NRP1: variants seen among roughly 807,000 people sequenced by gnomAD.
NRP1 encodes the protein neuropilin-1.
A neutral mutation model predicts 106.7 loss-of-function variants in NRP1; 35 were observed. That is an observed-to-expected ratio of 0.33 (90% CI 0.25 to 0.43). The LOEUF (loss-of-function observed/expected upper bound fraction) is 0.43, where lower values mean the gene tolerates loss of function less well. Ranked by LOEUF, NRP1 falls within the 20% of genes least tolerant of loss-of-function variation. The probability of loss-of-function intolerance (pLI) is 1.00; values close to 1 mark genes in which losing one functional copy is unlikely to be tolerated. For missense variants in NRP1, 1,024 were observed against 1,170.4 expected (o/e 0.87, Z 1.83); for synonymous variants, 437 against 417.9 (o/e 1.05, Z -0.56).
intron 2 of NRP1, among the ~76,000 whole-genome samples, chr10:33,308,585 C>T (rs1846339179): frequency 6.6e-6 from 1 of 151,874 alleles, no homozygotes; most frequent in South Asian, 2.1e-4. Flanking sequence ...CTCCCGGGTT[C>T]AAGTGAGTCT....
At chr10:33,328,292 G>A (rs77914833) in intron 2 of NRP1, among the ~76,000 whole-genome samples, 4,028 of 152,210 alleles carry the variant, frequency 0.026, 99 homozygotes, top group Non-Finnish European at 0.042. Context: ...AAGGTTTACT[G>A]TGAGCTAGAC....
Position 33,330,735 on chromosome 10 carries a change from T to A in NRP1, c.221A>T (p.His74Leu), listed in dbSNP as rs750237365. The change falls in exon 2 of 17, where the codon CAC (histidine) becomes CTC (leucine). Residue 74 changes from histidine to leucine, a missense_variant. By Grantham distance (99) the His-to-Leu change is moderately conservative. Around this residue, in one of 5 missense-constraint regions of NRP1, gnomAD observed 279 missense variants for 327.4 expected, o/e 0.85. Coordinates refer to ENST00000374867, the MANE Select transcript of NRP1 (RefSeq NM_003873.7). Reference protein sequence around the residue: ...YQRIMINFNPHFDLEDRDCKY... With the variant: ...YQRIMINFNPLFDLEDRDCKY... ...GCAGTCTCTGTCCTCCAAATCGAAG[T>A]GAGGGTTGAAGTTGATCATAATTCT... 23 of 1,612,782 alleles carry A rather than the reference T, an allele frequency of 1.4e-5. 1 individual carries two copies. In the Admixed American group the frequency reaches 2.8e-4, roughly 20 times the overall value.
chr10:33,300,347 C>G (rs1230065195), intron 2 of NRP1, among the ~76,000 whole-genome samples: 2 of 152,220 alleles, frequency 1.3e-5, no homozygotes, highest in African/African-American at 4.8e-5. Context: ...CAAAGTGCAT[C>G]TGTGTCAGAA....
chr10:33,317,238 G>A (rs1031741938), intron 2 of NRP1, among the ~76,000 whole-genome samples: 1 of 152,206 alleles, frequency 6.6e-6, no homozygotes, highest in African/African-American at 2.4e-5. Context: ...CCATTCATGA[G>A]GGTGAGGTGG....
At chr10:33,213,767 C>G in intron 8 of NRP1, 50 bp from the exon 9 acceptor site, 1 of 1,355,868 alleles carries the variant, frequency 7.4e-7, no homozygotes, top group Non-Finnish European at 1.0e-6. Context: ...CTGGGCGACT[C>G]CATGCTAAGA....
intron 15 of NRP1, 80 bp downstream of exon 15, chr10:33,185,548 G>A (rs940042550): frequency 1.8e-6 from 2 of 1,092,662 alleles, no homozygotes; most frequent in South Asian, 1.4e-5. Context: ...GTAGAAATGA[G>A]CAAAACAAAG....
At chr10:33,303,783 C>T (rs991680588) in intron 2 of NRP1, among the ~76,000 whole-genome samples, 1 of 152,200 alleles carries the variant, frequency 6.6e-6, no homozygotes, top group Non-Finnish European at 1.5e-5. Context: ...TAAGATATAA[C>T]ATATCTGTTT....
chr10:33,221,501 CT>C (rs1401623407), intron 8 of NRP1, among the ~76,000 whole-genome samples: 4 of 152,064 alleles, frequency 2.6e-5, no homozygotes, highest in Non-Finnish European at 4.4e-5. Flanking sequence ...ATAACTAAGG[CT>C]TTAAAAGGTA....
At chr10:33,249,366 G>T in intron 6 of NRP1, 4 of 457,618 alleles carry the variant, frequency 8.7e-6, no homozygotes, top group South Asian at 6.6e-5. Flanking sequence ...AACTGAAACT[G>T]CATTTCTCTG....
At chr10:33,208,070 C>T (rs1386013396) in intron 9 of NRP1, among the ~76,000 whole-genome samples, 1 of 152,138 alleles carries the variant, frequency 6.6e-6, no homozygotes, top group African/African-American at 2.4e-5. Flanking sequence ...GGACTACAGG[C>T]ACCCGCCACC....
chr10:33,271,024 A>G (rs1843277677), intron 2 of NRP1, among the ~76,000 whole-genome samples, 168 bp from the exon 3 acceptor site: 1 of 152,228 alleles, frequency 6.6e-6, no homozygotes, highest in Non-Finnish European at 1.5e-5. Flanking sequence ...AGCAAAATGA[A>G]ATAATTAAAA....
Position 33,307,099 on chromosome 10 carries a change from C to T in NRP1, c.248+23609G>A, listed in dbSNP as rs140307243. Among the ~76,000 whole-genome samples, 179 of 152,338 alleles carry T rather than the reference C, an allele frequency of 1.2e-3. 1 individual carries two copies. The highest frequency in any genetic ancestry group is 2.2e-3 in the Non-Finnish European group (148 of 68,030). ...TCGCTTTGCAACAAAAGCAGATTTA[C>T]TCCCTTCCCAAGACTATAACTAGGA... is the stretch of plus-strand genomic sequence containing the variant. On this transcript the variant is annotated intron_variant, in intron 2 of 16. Coordinates refer to ENST00000374867, the MANE Select transcript of NRP1 (RefSeq NM_003873.7).
chr10:33,330,018 A>G (rs1589008870), intron 2 of NRP1, among the ~76,000 whole-genome samples: 1 of 152,244 alleles, frequency 6.6e-6, no homozygotes, highest in East Asian at 1.9e-4. Flanking sequence ...AAACTTAACA[A>G]TAGAAAGAGA....
chr10:33,244,631 G>A (rs1272908130), intron 6 of NRP1, among the ~76,000 whole-genome samples: 1 of 152,012 alleles, frequency 6.6e-6, no homozygotes, highest in Non-Finnish European at 1.5e-5. Context: ...TGCTATTTAG[G>A]TTACAGAAGT....
chr10:33,191,309 G>C (rs1836396167), intron 13 of NRP1, among the ~76,000 whole-genome samples: 1 of 152,182 alleles, frequency 6.6e-6, no homozygotes, highest in Admixed American at 6.5e-5. Context: ...TAGGAAGAAA[G>C]TAAGGCAGGA....
At chr10:33,334,279 G>A (rs769353697) in intron 1 of NRP1, 31 bp downstream of exon 1, 27 of 1,532,812 alleles carry the variant, frequency 1.8e-5, no homozygotes, top group South Asian at 1.2e-4. Flanking sequence ...CCGGGGCGCC[G>A]CTGTCACCCG....
intron 12 of NRP1, among the ~76,000 whole-genome samples, chr10:33,196,180 C>T (rs1046889434): frequency 6.6e-5 from 10 of 151,910 alleles, no homozygotes; most frequent in South Asian, 2.1e-4. Flanking sequence ...TTTTTTTTAA[C>T]GATCCCTACC....
rs749981915 is a variant in NRP1, at chr10:33,263,872, A to T, written c.432T>A (p.Gly144=). 6 of 1,589,792 alleles carry T rather than the reference A, an allele frequency of 3.8e-6. No homozygotes were observed. The highest frequency in any genetic ancestry group is 5.2e-6 in the Non-Finnish European group (6 of 1,158,584). Residue 144 remains glycine, a splice_region_variant and synonymous_variant, in exon 4 of 17, where the codon GGT becomes GGA. Coordinates refer to ENST00000374867, the MANE Select transcript of NRP1 (RefSeq NM_003873.7). ...TTGTGTAGTTCTGGGAACATTCAGG[A>T]CCTATGAGTAGAAGAGAAAAAGGAG... ...FSIRYEIFKR[G]PECSQNYTTP... is the part of the protein sequence containing the mutation.
chr10:33,207,780 T>C, intron 9 of NRP1, 64 bp from the exon 10 acceptor site: 3 of 1,570,612 alleles, frequency 1.9e-6, no homozygotes, highest in Non-Finnish European at 2.6e-6. Flanking sequence ...TTTTAGCAAC[T>C]GTTTCTTCCC....
Sources: allele counts gnomAD v4.1 joint callset (sites outside exome capture counted in the v4.1 genomes callset), GRCh38; gene constraint gnomAD v4.1.1; regional missense constraint gnomAD v4.1.1; transcripts MANE v1.5; gene names NCBI Gene and HGNC (gene_info 2026-07-23, HGNC 2026-07-21).